DNAJC1: variants seen among roughly 807,000 people sequenced by gnomAD.
DNAJC1 encodes the protein dnaJ homolog subfamily C member 1.
Under a neutral mutation model 76.6 loss-of-function variants are expected in DNAJC1, and 58 were observed. That is an observed-to-expected ratio of 0.76 (90% confidence interval 0.61 to 0.94). The LOEUF (loss-of-function observed/expected upper bound fraction) is 0.94. DNAJC1 is among the 40% of genes least tolerant of loss of function. DNAJC1 has a pLI of 0.00. For missense variants in DNAJC1, 689 were observed against 677.3 expected (o/e 1.02, Z -0.19); for synonymous variants, 258 against 267.9 (o/e 0.96, Z 0.36).
rs1274431504 is a variant in DNAJC1, at chr10:21,836,081, G to C, written c.979-29982C>G. Among the ~76,000 whole-genome samples the C allele has an allele frequency of 2.0e-5, 3 of 152,132 alleles. No homozygotes were observed. The South Asian group carries it at 6.2e-4, about 32-fold the overall frequency. On this transcript the variant is annotated intron_variant, in intron 8 of 11. Transcript: ENST00000376980. ...ATGTTAAGGGCAGCCAGAGAGAAAG[G>C]TCGGGTTACCCACAAAGGGAAGCCC...
At chr10:21,858,993 C>A (rs186855965) in intron 8 of DNAJC1, among the ~76,000 whole-genome samples, 6 of 152,110 alleles carry the variant, frequency 3.9e-5, no homozygotes, top group Admixed American at 3.9e-4. Context: ...AAAAGTATAT[C>A]ACCAACTTAA....
intron 1 of DNAJC1, among the ~76,000 whole-genome samples, chr10:21,946,798 A>T (rs1207960672): frequency 1.3e-5 from 2 of 152,226 alleles, no homozygotes; most frequent in Non-Finnish European, 2.9e-5. Flanking sequence ...TATCAATAAA[A>T]TGGGATCCTG....
At chr10:21,761,336 G>A (rs979850534) in intron 10 of DNAJC1, among the ~76,000 whole-genome samples, 3 of 152,150 alleles carry the variant, frequency 2.0e-5, no homozygotes, top group Admixed American at 6.5e-5. Context: ...AGGCAGGGGG[G>A]ATCCCCTGAG....
chr10:21,965,203 TTC>T lies in DNAJC1; in HGVS notation c.223-36064_223-36063del, dbSNP rs1028695495. On this transcript the variant is annotated intron_variant, in intron 1 of 11. Coordinates refer to ENST00000376980, the MANE Select transcript of DNAJC1 (RefSeq NM_022365.4). ...TCTCAAGATAATTCAAGATAATTTTTTCTGTTTTCTCTTTCAGTTCACTAACT... is the reference window on the plus strand; with the variant it reads ...TCTCAAGATAATTCAAGATAATTTTTTGTTTTCTCTTTCAGTTCACTAACT... Among the ~76,000 whole-genome samples the T allele has an allele frequency of 2.0e-4, 30 of 152,322 alleles. 1 individual carries two copies. The highest frequency in any genetic ancestry group is 1.7e-3 in the South Asian group (8 of 4,834).
chr10:21,881,856 A>C (rs888136008), intron 8 of DNAJC1, among the ~76,000 whole-genome samples: 5 of 150,216 alleles, frequency 3.3e-5, no homozygotes, highest in South Asian at 4.2e-4. Flanking sequence ...AAAAAAAAAA[A>C]AAAAAAAAAA....
intron 9 of DNAJC1, among the ~76,000 whole-genome samples, chr10:21,799,454 C>T (rs1834788131): frequency 6.6e-6 from 1 of 152,074 alleles, no homozygotes. Flanking sequence ...TGTGCAACCA[C>T]ACCTGGCTAA....
chr10:21,942,916 G>A (rs1487538267), intron 1 of DNAJC1, among the ~76,000 whole-genome samples: 1 of 151,652 alleles, frequency 6.6e-6, no homozygotes, highest in Admixed American at 6.6e-5. Flanking sequence ...CACAAAGGAA[G>A]TCTTAATTCT....
chr10:21,965,244 A>G (rs1837872809), intron 1 of DNAJC1, among the ~76,000 whole-genome samples: 1 of 152,038 alleles, frequency 6.6e-6, no homozygotes, highest in African/African-American at 2.4e-5. Flanking sequence ...TTTTCAGCTG[A>G]GTCTAATCTG....
At chr10:21,969,180 C>T (rs929985123) in intron 1 of DNAJC1, among the ~76,000 whole-genome samples, 2 of 144,464 alleles carry the variant, frequency 1.4e-5, no homozygotes, top group Admixed American at 7.1e-5. Flanking sequence ...ACCAAGATTG[C>T]ACCACTGTAC....
chr10:21,854,353 A>G (rs1835799775), intron 8 of DNAJC1, among the ~76,000 whole-genome samples: 3 of 134,616 alleles, frequency 2.2e-5, no homozygotes, highest in Middle Eastern at 3.5e-3. Context: ...GGATCTTTAA[A>G]AAAAAAAAAA....
At chr10:21,912,240 C>T (rs1265711506) in intron 6 of DNAJC1, among the ~76,000 whole-genome samples, 1 of 151,664 alleles carries the variant, frequency 6.6e-6, no homozygotes, top group East Asian at 1.9e-4. Context: ...TCATTTCTAC[C>T]ATTAACTAGT....
rs1427357042 is a variant in DNAJC1 at position 21,872,142 on chromosome 10, T to C, written c.978+10140A>G. Among the ~76,000 whole-genome samples, 4 of 151,400 alleles carry C rather than the reference T, an allele frequency of 2.6e-5. No homozygotes were observed. The East Asian group carries it at 7.8e-4, about 29-fold the overall frequency. On this transcript the variant is annotated intron_variant, in intron 8 of 11. Transcript: ENST00000376980. ...AGGCTGGAGTGCAGTGGTGTGACCT[T>C]GGCTCACCGTAACCTCAACCTCCTG...
chr10:21,780,657 A>T (rs1834516160), intron 9 of DNAJC1, among the ~76,000 whole-genome samples: 1 of 152,270 alleles, frequency 6.6e-6, no homozygotes, highest in African/African-American at 2.4e-5. Flanking sequence ...AACTGTAAAG[A>T]CCATTGATGC....
chr10:21,986,061 A>G (rs1385955992), intron 1 of DNAJC1, among the ~76,000 whole-genome samples: 3 of 152,166 alleles, frequency 2.0e-5, no homozygotes, highest in Non-Finnish European at 4.4e-5. Flanking sequence ...CGCTGTCTCT[A>G]CTAAAAATAC....
At chr10:21,799,463 A>G (rs1564790859) in intron 9 of DNAJC1, among the ~76,000 whole-genome samples, 2 of 151,912 alleles carry the variant, frequency 1.3e-5, no homozygotes, top group Non-Finnish European at 2.9e-5. Flanking sequence ...ACACCTGGCT[A>G]ATTTTTCTTT....
chr10:21,987,376 A>G (rs1838265026), intron 1 of DNAJC1, among the ~76,000 whole-genome samples: 2 of 152,206 alleles, frequency 1.3e-5, no homozygotes, highest in African/African-American at 4.8e-5. Context: ...TTGGTTGTTC[A>G]TTAGTATCTA....
intron 3 of DNAJC1, among the ~76,000 whole-genome samples, chr10:21,921,940 T>G (rs1837050120): frequency 1.3e-5 from 2 of 152,024 alleles, no homozygotes; most frequent in African/African-American, 4.8e-5. Flanking sequence ...ACACAACTCA[T>G]TAAATATTCT....
chr10:21,813,175 C>CCTCTCTCT (rs532971786), intron 8 of DNAJC1, among the ~76,000 whole-genome samples: 2 of 28,328 alleles, frequency 7.1e-5, no homozygotes, highest in Non-Finnish European at 5.7e-5. Context: ...TCTCTCTCTC[C>CCTCTCTCT]CTCTCTCTCT....
At chr10:21,861,739 T>C (rs1292579918) in intron 8 of DNAJC1, among the ~76,000 whole-genome samples, 2 of 150,276 alleles carry the variant, frequency 1.3e-5, no homozygotes, top group African/African-American at 4.8e-5. Flanking sequence ...AGTTTACAAA[T>C]GCCATGGTAA....
Sources: gnomAD v4.1 joint callset for allele counts (sites outside exome capture counted in the v4.1 genomes callset) on GRCh38, gnomAD v4.1.1 for gene constraint, MANE v1.5 for transcripts, NCBI Gene and HGNC (gene_info 2026-07-23, HGNC 2026-07-21) for gene names.